Variants in NALCN observed in about 807,000 individuals in gnomAD.
The protein encoded by NALCN is sodium leak channel NALCN.
NALCN carries 111 observed loss-of-function variants against 225.3 expected under a neutral mutation model. That is an observed-to-expected ratio of 0.49 (90% CI 0.42 to 0.58). The LOEUF is 0.58. Among genes scored for constraint, NALCN ranks in the 20% least tolerant of loss-of-function variants. The pLI, the probability that NALCN is intolerant of heterozygous loss-of-function variation, is 0.00. For synonymous variants in NALCN, 764 were observed against 769.0 expected, an observed-to-expected ratio of 0.99 and a Z score of 0.11; for missense variants, 1,378 against 2,202.4, an observed-to-expected ratio of 0.63 and a Z score of 7.49.
At chr13:101,077,980 G>A (rs1594155377) in intron 34 of NALCN, among the ~76,000 whole-genome samples, 1 of 152,214 alleles carries the variant, frequency 6.6e-6, no homozygotes, top group African/African-American at 2.4e-5. Flanking sequence ...TGGCTAAAAG[G>A]TGCCAATATA....
chr13:101,254,877 C>T lies in NALCN; in HGVS notation c.1266+3566G>A, dbSNP rs180871205. On this transcript the variant is annotated intron_variant, in intron 11 of 43. Coordinates refer to ENST00000251127, the MANE Select transcript of NALCN (RefSeq NM_052867.4). ...CTGCACTCCAGCCTGGGCGACAGAG[C>T]GAGACTCTGTCTCAAAAAAAAAAAA... Among the ~76,000 whole-genome samples, 96 of 45,922 alleles carry T rather than the reference C, an allele frequency of 2.1e-3. 7 individuals are homozygous for T. Among genetic ancestry groups the T allele is most frequent in the African/African-American group, 4.8e-3 (80 of 16,596 alleles). The allele number at this position is 45,922 out of a possible 152,430, so 30.1% of individuals were successfully genotyped here. A position where few individuals can be genotyped will look rare whatever the true frequency, so the allele number is the denominator to read the frequency against.
intron 3 of NALCN, among the ~76,000 whole-genome samples, chr13:101,391,421 G>A (rs1203552226): frequency 1.3e-5 from 2 of 152,162 alleles, no homozygotes; most frequent in Non-Finnish European, 2.9e-5. Flanking sequence ...TGTGACTCAC[G>A]CCTGTAATCC....
chr13:101,394,898 A>T (rs1344719899), intron 3 of NALCN, among the ~76,000 whole-genome samples: 1 of 152,226 alleles, frequency 6.6e-6, no homozygotes, highest in East Asian at 1.9e-4. Flanking sequence ...CCTAAGTGGC[A>T]TGAATAACCC....
intron 30 of NALCN, among the ~76,000 whole-genome samples, chr13:101,087,882 G>A (rs368373421): frequency 1.3e-5 from 2 of 152,156 alleles, no homozygotes; most frequent in Non-Finnish European, 2.9e-5. Flanking sequence ...CTGCTCAGAC[G>A]GCTTCTTAAC....
chr13:101,235,016 T>C (rs2140148203), intron 12 of NALCN, among the ~76,000 whole-genome samples: 1 of 152,048 alleles, frequency 6.6e-6, no homozygotes, highest in Middle Eastern at 3.5e-3. Flanking sequence ...AATTGGTTTC[T>C]TTCTAGTCAT....
intron 15 of NALCN, among the ~76,000 whole-genome samples, chr13:101,156,535 A>C (rs2037911045): frequency 6.6e-6 from 1 of 152,006 alleles, no homozygotes; most frequent in African/African-American, 2.4e-5. Flanking sequence ...ATGCAGGTAT[A>C]TATATATATA....
At chr13:101,176,717 G>T (rs146567647) in intron 14 of NALCN, among the ~76,000 whole-genome samples, 2 of 152,264 alleles carry the variant, frequency 1.3e-5, no homozygotes, top group Admixed American at 6.5e-5. Flanking sequence ...ATATACACAG[G>T]TGCTTATTAG....
intron 7 of NALCN, among the ~76,000 whole-genome samples, chr13:101,333,196 A>G (rs2045247981): frequency 6.6e-6 from 1 of 152,150 alleles, no homozygotes; most frequent in African/African-American, 2.4e-5. Context: ...TTTTCTACTT[A>G]CCTAAAAATA....
At chr13:101,071,590 C>T (rs34050726) in intron 37 of NALCN, among the ~76,000 whole-genome samples, 46,800 of 152,024 alleles carry the variant, frequency 0.31, 8,212 homozygotes, top group East Asian at 0.48. Context: ...GAGTAAGGGC[C>T]TTCTTCTGCA....
chr13:101,241,346 G>GT (rs1236566483), intron 11 of NALCN, among the ~76,000 whole-genome samples: 1 of 152,200 alleles, frequency 6.6e-6, no homozygotes, highest in Non-Finnish European at 1.5e-5. Context: ...TTTGGCTGCT[G>GT]TTTCTCAGAT....
At chr13:101,235,552 A>G (rs1356136073) in intron 12 of NALCN, among the ~76,000 whole-genome samples, 2 of 152,230 alleles carry the variant, frequency 1.3e-5, no homozygotes, top group African/African-American at 2.4e-5. Context: ...ACAAGAGCTT[A>G]TAATCACAGG....
intron 17 of NALCN, among the ~76,000 whole-genome samples, chr13:101,133,194 C>A (rs1455973469): frequency 6.6e-6 from 1 of 152,160 alleles, no homozygotes; most frequent in Non-Finnish European, 1.5e-5. Context: ...TAGCTTGACC[C>A]TAGAAACCAC....
chr13:101,159,967 T>TATTTTATTTG (rs2038084728), intron 15 of NALCN, among the ~76,000 whole-genome samples: 1 of 148,216 alleles, frequency 6.7e-6, no homozygotes, highest in Admixed American at 6.8e-5. Flanking sequence ...TATTTTATTT[T>TATTTTATTTG]ATTTTGAGAC....
At chr13:101,332,512 T>A (rs2045221192) in intron 7 of NALCN, among the ~76,000 whole-genome samples, 1 of 149,930 alleles carries the variant, frequency 6.7e-6, no homozygotes, top group African/African-American at 2.5e-5. Context: ...TTATGTCCAA[T>A]CAATACCAAA....
intron 17 of NALCN, among the ~76,000 whole-genome samples, chr13:101,131,817 T>C (rs548643367): frequency 6.6e-6 from 1 of 152,264 alleles, no homozygotes; most frequent in South Asian, 2.1e-4. Flanking sequence ...GGTATTCTTT[T>C]TGTTTTCATG....
chr13:101,084,579 T>C (rs1033855181), intron 30 of NALCN, among the ~76,000 whole-genome samples: 3 of 135,658 alleles, frequency 2.2e-5, no homozygotes, highest in East Asian at 4.2e-4. Context: ...TTAATATTTA[T>C]AGAAATGGAC....
chr13:101,303,842 C>CA (rs1444830912), intron 7 of NALCN, among the ~76,000 whole-genome samples: 1 of 152,196 alleles, frequency 6.6e-6, no homozygotes, highest in Non-Finnish European at 1.5e-5. Flanking sequence ...AGAGAGCAAT[C>CA]AGACATTTGT....
intron 42 of NALCN, 35 bp from the exon 43 acceptor site, chr13:101,058,091 T>G: frequency 6.4e-7 from 1 of 1,571,696 alleles, no homozygotes; most frequent in Non-Finnish European, 8.7e-7. Context: ...TTACCGTCTT[T>G]TTAACCCTGC....
rs60948311 is a variant in NALCN at position 101,101,281 on chromosome 13, C to CTTTTTTTT, written c.3058-401_3058-394dup. 5.9e-4 allele frequency among the ~76,000 whole-genome samples: 66 copies of CTTTTTTTT among 112,360 alleles called. 1 individual carries two copies. Among genetic ancestry groups the CTTTTTTTT allele is most frequent in the Non-Finnish European group, 7.5e-4 (44 of 58,916 alleles). The allele number at this position is 112,360 out of a possible 152,430, so 73.7% of individuals were successfully genotyped here. On this transcript the variant is annotated intron_variant, in intron 26 of 43. Coordinates refer to ENST00000251127, the MANE Select transcript of NALCN (RefSeq NM_052867.4). ...GACATATATATATTTATTTTTTTTT[C>CTTTTTTTT]TTTTTTTTTTTTTTTTTGAGATGGA... is the stretch of plus-strand genomic sequence containing the variant.
Sources: allele counts gnomAD v4.1 joint callset (sites outside exome capture counted in the v4.1 genomes callset), GRCh38; gene constraint gnomAD v4.1.1; transcripts MANE v1.5; gene names NCBI Gene and HGNC (gene_info 2026-07-23, HGNC 2026-07-21).